The following PRKCZ variants were observed in gnomAD, a reference collection of about 807,000 sequenced individuals.
PRKCZ encodes protein kinase C zeta.
In PRKCZ, 33 loss-of-function variants were observed where a neutral mutation model predicts 79.5. The observed-to-expected ratio is 0.41, with a 90% CI of 0.31 to 0.55. The LOEUF (loss-of-function observed/expected upper bound fraction) is 0.55. Ranked by LOEUF, PRKCZ falls within the 20% of genes least tolerant of loss-of-function variation. The pLI is 0.19. For synonymous variants in PRKCZ, 342 were observed against 320.9 expected (o/e 1.07, Z -0.70); for missense variants, 578 against 813.5 (o/e 0.71, Z 3.52).
In PRKCZ at chr1:2,082,136, G is replaced by T. The variant is rs1022727580; in HGVS notation, c.334+22545G>T. The T allele has an allele frequency of 3.1e-6, 1 of 323,874 alleles. No individual in the cohort carries two copies. Among genetic ancestry groups the T allele is most frequent in the Admixed American group, 4.7e-5 (1 of 21,298 alleles). The allele number at this position is 323,874 out of a possible 1,614,324, so 20.1% of individuals were successfully genotyped here. A position where few individuals can be genotyped will look rare whatever the true frequency, so the allele number is the denominator to read the frequency against. On this transcript the variant is annotated intron_variant, in intron 4 of 17. Transcript: ENST00000378567. This position sits in a 1 kb window ranked among gnomAD's most constrained non-coding sequence, Gnocchi z 4.4. ...TCTTTCCACACGGCCATCCGAGGGC[G>T]GACGTGGTCAGGGGTGCTGGACGCG...
chr1:2,092,376 C>A (rs1171474261), intron 4 of PRKCZ, among the ~76,000 whole-genome samples: 1 of 152,186 alleles, frequency 6.6e-6, no homozygotes, highest in African/African-American at 2.4e-5. Context: ...CCTCAGGGTG[C>A]CCAGAGAGGG....
intron 6 of PRKCZ, 117 bp downstream of exon 6, chr1:2,144,458 CG>C: frequency 6.8e-7 from 1 of 1,478,418 alleles, no homozygotes; most frequent in Non-Finnish European, 9.0e-7. Context: ...GCCGTGGTGC[CG>C]TCCTAGCTCT....
At chr1:2,076,108 G>A (rs557769342) in intron 4 of PRKCZ, among the ~76,000 whole-genome samples, 4 of 152,358 alleles carry the variant, frequency 2.6e-5, no homozygotes, top group Non-Finnish European at 5.9e-5. Context: ...TGAATGGGCT[G>A]TTTGGGGCCG....
intron 4 of PRKCZ, among the ~76,000 whole-genome samples, chr1:2,123,799 T>G (rs376507027): frequency 6.9e-4 from 1 of 1,440 alleles, no homozygotes; most frequent in Non-Finnish European, 1.2e-3. Context: ...TGGTTAGGGT[T>G]GTGGTGGTTA....
At chr1:2,056,652 T>A in intron 3 of PRKCZ, 79 bp downstream of exon 3, 1 of 1,247,396 alleles carries the variant, frequency 8.0e-7, no homozygotes, top group Non-Finnish European at 1.1e-6. Context: ...CTGGGGGATT[T>A]AAAATGGTTT....
At chr1:2,050,729 C>T (rs973565968) in intron 1 of PRKCZ, 28 bp downstream of exon 1, 1 of 798,366 alleles carries the variant, frequency 1.3e-6, no homozygotes, top group South Asian at 6.2e-5. Context: ...CGGGGAGCGG[C>T]GCGGGTGAGG....
chr1:2,184,855 G>A (rs2100596052), intron 17 of PRKCZ, 67 bp from the exon 18 acceptor site: 1 of 1,467,296 alleles, frequency 6.8e-7, no homozygotes, highest in Non-Finnish European at 9.4e-7. Flanking sequence ...ATGCGAACGT[G>A]ACTCCGCTTC....
At chr1:2,176,768 C>T (rs1160876518) in intron 16 of PRKCZ, among the ~76,000 whole-genome samples, 3 of 152,172 alleles carry the variant, frequency 2.0e-5, no homozygotes, top group East Asian at 1.9e-4. Flanking sequence ...ACTTTCTAGT[C>T]GAAGGCCTTG....
intron 4 of PRKCZ, among the ~76,000 whole-genome samples, chr1:2,097,280 C>T (rs3107136): frequency 0.6 from 90,744 of 152,076 alleles, 28,381 homozygotes; most frequent in East Asian, 0.89. Flanking sequence ...TGGGAAGGCC[C>T]GGGTCGTCGT....
intron 4 of PRKCZ, among the ~76,000 whole-genome samples, chr1:2,088,645 C>G (rs966943196): frequency 1.4e-4 from 22 of 152,292 alleles, no homozygotes; most frequent in African/African-American, 5.3e-4. Context: ...GGAATGTCAC[C>G]TCTCCTTTCT....
At chr1:2,108,573 C>T (rs1669061748) in intron 4 of PRKCZ, among the ~76,000 whole-genome samples, 1 of 152,260 alleles carries the variant, frequency 6.6e-6, no homozygotes, top group East Asian at 1.9e-4. Flanking sequence ...GAGACATCGC[C>T]AGCCTCCTGC....
rs1663694789 is a variant in PRKCZ at position 2,082,329 on chromosome 1, G to A, written c.334+22738G>A. On this transcript the variant is annotated intron_variant, in intron 4 of 17. Transcript: ENST00000378567. This position sits in a 1 kb window ranked among gnomAD's most constrained non-coding sequence, Gnocchi z 4.4. ...CAGAGCGGCTGTTCAAGATGGACTT[G>A]GCAAATCACCTCTTTCAAGTTGCCG... The A allele has an allele frequency of 4.4e-6, 2 of 454,810 alleles. No individual in the cohort carries two copies. Among genetic ancestry groups the A allele is most frequent in the Non-Finnish European group, 8.8e-6 (2 of 226,238 alleles). 28.2% of individuals were successfully genotyped at this position (454,810 alleles called of 1,614,324 possible).
chr1:2,090,733 G>T (rs890515596), intron 4 of PRKCZ, among the ~76,000 whole-genome samples: 4 of 152,258 alleles, frequency 2.6e-5, no homozygotes, highest in African/African-American at 9.6e-5. Context: ...GCAGCCGGGG[G>T]CGTCTCGGAG....
rs1405202634 is a variant in PRKCZ at position 2,124,364 on chromosome 1, G to T, written c.335-10898G>T. Among the ~76,000 whole-genome samples, 7 of 45,606 alleles carry T rather than the reference G, an allele frequency of 1.5e-4. 1 individual carries two copies. The highest frequency in any genetic ancestry group is 9.2e-4 in the Admixed American group (3 of 3,266). 29.9% of individuals were successfully genotyped at this position (45,606 alleles called of 152,430 possible). ...GGTTAGGGTCACGGCGGTGGTTAGGGTCACGGCGGCGGTTAGGGTCACGGC... is the reference window on the plus strand; with the variant it reads ...GGTTAGGGTCACGGCGGTGGTTAGGTTCACGGCGGCGGTTAGGGTCACGGC... On this transcript the variant is annotated intron_variant, in intron 4 of 17. Coordinates refer to ENST00000378567, the MANE Select transcript of PRKCZ (RefSeq NM_002744.6).
rs1171422262 is a variant in PRKCZ, at chr1:2,127,714, T to TA, written c.335-7547dup. Among the ~76,000 whole-genome samples, 1 of 152,188 alleles carries TA rather than the reference T, an allele frequency of 6.6e-6. No individual in the cohort carries two copies. Among genetic ancestry groups the TA allele is most frequent in the African/African-American group, 2.4e-5 (1 of 41,434 alleles). On this transcript the variant is annotated intron_variant, in intron 4 of 17. Coordinates refer to ENST00000378567, the MANE Select transcript of PRKCZ (RefSeq NM_002744.6). This position sits in a 1 kb window ranked among gnomAD's most constrained non-coding sequence, Gnocchi z 5.1. Reference sequence around the variant, plus strand: ...TCTCCCGCGGCTCCCGGTGGCTTTTTAGGACTCTGCGTTCGTGTTCTCCAT... The same window carrying TA: ...TCTCCCGCGGCTCCCGGTGGCTTTTTAAGGACTCTGCGTTCGTGTTCTCCAT...
chr1:2,084,742 C>T (rs534273583), intron 4 of PRKCZ, among the ~76,000 whole-genome samples: 4 of 152,320 alleles, frequency 2.6e-5, no homozygotes, highest in African/African-American at 9.6e-5. Context: ...CAGTGGCTCA[C>T]GCCTGTCATC....
intron 1 of PRKCZ, among the ~76,000 whole-genome samples, chr1:2,054,084 T>A (rs1003676185): frequency 6.6e-6 from 1 of 152,138 alleles, no homozygotes; most frequent in Non-Finnish European, 1.5e-5. Flanking sequence ...CGATCCTGTG[T>A]TCTGTTTGCA....
intron 4 of PRKCZ, among the ~76,000 whole-genome samples, chr1:2,134,326 A>G (rs889055652): frequency 2.0e-5 from 3 of 152,208 alleles, no homozygotes; most frequent in Admixed American, 6.5e-5. Flanking sequence ...ACATTCCGTT[A>G]CAATTTCCAC....
Position 2,185,245 on chromosome 1 carries a change from G to A in PRKCZ, c.*236G>A, listed in dbSNP as rs1263476835. 24 of 711,702 alleles carry A rather than the reference G, an allele frequency of 3.4e-5. No individual in the cohort carries two copies. Among genetic ancestry groups the A allele is most frequent in the South Asian group, 5.9e-5 (4 of 67,580 alleles). 44.1% of individuals were successfully genotyped at this position (711,702 alleles called of 1,614,324 possible). ...GAACTTGCTGCTGTGCCTGCGTCGC[G>A]GCGGATCCGCGGGGACCCTGCCGAG... On this transcript the variant is annotated 3_prime_UTR_variant, in exon 18 of 18. Coordinates refer to ENST00000378567, the MANE Select transcript of PRKCZ (RefSeq NM_002744.6).
Sources: allele counts gnomAD v4.1 joint callset (sites outside exome capture counted in the v4.1 genomes callset), GRCh38; gene constraint gnomAD v4.1.1; non-coding constraint Gnocchi (gnomAD v3.1); transcripts MANE v1.5; gene names NCBI Gene and HGNC (gene_info 2026-07-23, HGNC 2026-07-21).